The following IL18BP variants were observed in gnomAD, a reference collection of about 807,000 sequenced individuals.
IL18BP encodes interleukin-18-binding protein.
IL18BP carries 23 observed loss-of-function variants against 19.9 expected under a neutral mutation model. The ratio of observed to expected loss-of-function variants is 1.15; its 90% CI spans 0.83 to 1.64. The LOEUF (loss-of-function observed/expected upper bound fraction) is 1.64. Ranked by LOEUF, IL18BP falls within the 40% of genes most tolerant of loss-of-function variation. IL18BP has a pLI of 0.00. For missense variants in IL18BP, 239 were observed against 240.7 expected, an observed-to-expected ratio of 0.99 and a Z score of 0.05; for synonymous variants, 107 against 101.0, an observed-to-expected ratio of 1.06 and a Z score of -0.35.
chr11:72,007,159 G>A, downstream of IL18BP: 1 of 1,600,594 alleles, frequency 6.2e-7, no homozygotes, highest in Non-Finnish European at 8.5e-7. Context: ...GGGAATTGCT[G>A]CCCTGCAGCC....
chr11:72,005,056 G>A (rs1029857882), downstream of IL18BP, among the ~76,000 whole-genome samples: 3 of 152,090 alleles, frequency 2.0e-5, no homozygotes, highest in Admixed American at 6.5e-5. Context: ...TACCCCAAGG[G>A]ACTTCACCCC....
chr11:72,004,727 G>A (rs139277780), downstream of IL18BP: 260 of 1,613,586 alleles, frequency 1.6e-4, no homozygotes, highest in African/African-American at 3.2e-3. Flanking sequence ...CGGCTATCTG[G>A]ATTGGCTGCA....
chr11:72,007,300 G>A, downstream of IL18BP: 1 of 1,613,318 alleles, frequency 6.2e-7, no homozygotes, highest in Non-Finnish European at 8.5e-7. Flanking sequence ...TCTCCAGGGG[G>A]GCCTGACTCC....
chr11:72,003,472 C>T, downstream of IL18BP: 6 of 1,567,136 alleles, frequency 3.8e-6, no homozygotes, highest in Non-Finnish European at 5.3e-6. Flanking sequence ...AGGCGGAGGA[C>T]CAGGTGAGGT....
At position 72,001,417 on chromosome 11, in the gene IL18BP, G is replaced by A. The variant is rs1955229731; in HGVS notation, c.372G>A (p.Gly124=). The A allele has an allele frequency of 1.2e-6, 2 of 1,614,156 alleles. No homozygotes were observed. Among genetic ancestry groups the A allele is most frequent in the Non-Finnish European group, 1.7e-6 (2 of 1,179,986 alleles). Residue 124 remains glycine, a synonymous_variant, in exon 5 of 6, where the codon GGG becomes GGA. Coordinates refer to ENST00000393703, the MANE Select transcript of IL18BP (RefSeq NM_001039660.2). The part of the protein sequence containing the change: ...LWEGSTSRER[G]STGTQLCKAL... The stretch of plus-strand genomic sequence containing the variant: ...CCTTCCGCTCCAGCCGGGAACGTGG[G>A]AGCACAGGTACGCAGCTGTGCAAGG...
chr11:72,006,138 G>A (rs1267182669), downstream of IL18BP: 11 of 1,614,030 alleles, frequency 6.8e-6, no homozygotes, highest in African/African-American at 1.3e-5. Context: ...TGCCATAATC[G>A]GGAGAACCCA....
Position 72,002,048 on chromosome 11 carries a change from G to C in IL18BP, c.*187G>C, listed in dbSNP as rs1955281169. 1 of 797,414 alleles carries C rather than the reference G, an allele frequency of 1.3e-6. No homozygotes were observed. Among genetic ancestry groups the C allele is most frequent in the South Asian group, 1.8e-5 (1 of 55,492 alleles). The allele number at this position is 797,414 out of a possible 1,614,324, so 49.4% of individuals were successfully genotyped here. ...ATTCCCACCTACCTAGAAAATCACA[G>C]CCTCCTTATAATGCCTCCTCCTCCT... is the stretch of plus-strand genomic sequence containing the variant. On this transcript the variant is annotated 3_prime_UTR_variant, in exon 6 of 6. Transcript: ENST00000393703.
chr11:72,005,211 GCA>G (rs1243981622), downstream of IL18BP: 1 of 1,572,786 alleles, frequency 6.4e-7, no homozygotes, highest in African/African-American at 1.4e-5. Context: ...GGGAGGCCCT[GCA>G]CAGTGACCCC....
At chr11:72,004,299 G>C (rs763458607), downstream of IL18BP, 5 of 1,612,878 alleles carry the variant, frequency 3.1e-6, no homozygotes, top group African/African-American at 4.0e-5. Flanking sequence ...TGTCGGTCTC[G>C]GGGAGTCATG....
chr11:72,003,561 G>T (rs1317565380), downstream of IL18BP: 1 of 1,614,080 alleles, frequency 6.2e-7, no homozygotes, highest in African/African-American at 1.3e-5. Flanking sequence ...CAGTCACATG[G>T]CCAGATGAGA....
Position 72,000,112 on chromosome 11 carries a change from A to G in IL18BP, c.28+100A>G, listed in dbSNP as rs544637015. On this transcript the variant is annotated intron_variant, in intron 2 of 5. Coordinates refer to ENST00000393703, the MANE Select transcript of IL18BP (RefSeq NM_001039660.2). The stretch of plus-strand genomic sequence containing the variant: ...CGGAGCCTTCACTCCAAGGCAAACC[A>G]CCCAGCGCACCTGGTGCTGTTGCTT... The G allele has an allele frequency of 6.1e-4, 780 of 1,270,882 alleles. 5 individuals are homozygous for G. Among genetic ancestry groups the G allele is most frequent in the South Asian group, 3.2e-3 (257 of 79,672 alleles). 78.7% of individuals were successfully genotyped at this position (1,270,882 alleles called of 1,614,324 possible). A position where few individuals can be genotyped will look rare whatever the true frequency, so the allele number is the denominator to read the frequency against.
At chr11:72,003,772 C>A (rs1359263249), downstream of IL18BP, 2 of 1,181,676 alleles carry the variant, frequency 1.7e-6, no homozygotes, top group Non-Finnish European at 2.4e-6. Context: ...ACCTCTTACC[C>A]CACACCCTCC....
At chr11:72,005,111 G>A (rs1028604157), downstream of IL18BP, 1 of 1,170,706 alleles carries the variant, frequency 8.5e-7, no homozygotes, top group African/African-American at 1.6e-5. Context: ...ACATGAGAAG[G>A]TCACCCTCCC....
downstream of IL18BP, chr11:72,006,124 G>A: frequency 6.2e-7 from 1 of 1,614,182 alleles, no homozygotes. Context: ...GAGCAGGGCT[G>A]AGTTGCCATA....
At chr11:72,003,747 T>G (rs1354678872), downstream of IL18BP, 20 of 1,027,166 alleles carry the variant, frequency 1.9e-5, no homozygotes, top group Non-Finnish European at 2.9e-5. Flanking sequence ...GGAGAGGAGC[T>G]ACCAGGACAG....
At chr11:72,006,169 G>A (rs1331199346), downstream of IL18BP, 6 of 1,614,198 alleles carry the variant, frequency 3.7e-6, no homozygotes, top group Non-Finnish European at 4.2e-6. Flanking sequence ...AGACTGAGTA[G>A]AGGAGGTGGC....
chr11:72,007,987 G>T (rs1448626316), downstream of IL18BP: 2 of 402,122 alleles, frequency 5.0e-6, no homozygotes, highest in Non-Finnish European at 9.8e-6. Context: ...ACTCAGGCCA[G>T]GCTGCCCAGG....
downstream of IL18BP, chr11:72,004,822 T>C (rs564352629): frequency 1.3e-6 from 2 of 1,561,252 alleles, no homozygotes; most frequent in Admixed American, 3.8e-5. Context: ...GAAGGCTGCA[T>C]GGGTGGAAGA....
At chr11:72,004,077 G>C, downstream of IL18BP, 1 of 1,613,090 alleles carries the variant, frequency 6.2e-7, no homozygotes, top group African/African-American at 1.3e-5. Context: ...GATGCTGAAG[G>C]CCATCGACTG....
Sources: allele counts gnomAD v4.1 joint callset (sites outside exome capture counted in the v4.1 genomes callset), GRCh38; gene constraint gnomAD v4.1.1; transcripts MANE v1.5; gene names NCBI Gene and HGNC (gene_info 2026-07-23, HGNC 2026-07-21).